Variants in KAT14 observed in about 807,000 individuals in gnomAD.
The protein encoded by KAT14 is lysine acetyltransferase 14.
KAT14 carries 66 observed loss-of-function variants against 78.4 expected under a neutral mutation model. The observed-to-expected ratio is 0.84, with a 90% confidence interval of 0.69 to 1.03. KAT14 has a LOEUF of 1.03. Among genes scored for constraint, KAT14 ranks in the 50% least tolerant of loss-of-function variants. The pLI is 0.00. For synonymous variants in KAT14, 344 were observed against 359.4 expected, an observed-to-expected ratio of 0.96 and a Z score of 0.48; for missense variants, 870 against 972.5, an observed-to-expected ratio of 0.89 and a Z score of 1.40.
At chr20:18,145,639 G>T (rs1458169009) in intron 3 of KAT14, among the ~76,000 whole-genome samples, 1 of 152,104 alleles carries the variant, frequency 6.6e-6, no homozygotes, top group Non-Finnish European at 1.5e-5. Context: ...AAATTAGCTG[G>T]CTATGGTGGT....
chr20:18,146,613 C>T (rs935287377), intron 3 of KAT14, among the ~76,000 whole-genome samples: 4 of 152,088 alleles, frequency 2.6e-5, no homozygotes, highest in Non-Finnish European at 5.9e-5. Context: ...GAGCCGAGAT[C>T]GCGCCACTGC....
At chr20:18,157,994 A>G (rs535027131) in intron 4 of KAT14, among the ~76,000 whole-genome samples, 18 of 152,202 alleles carry the variant, frequency 1.2e-4, no homozygotes, top group African/African-American at 3.9e-4. Flanking sequence ...CTGGAGTGCA[A>G]TGGTGCAGTC....
intron 7 of KAT14, among the ~76,000 whole-genome samples, chr20:18,164,783 A>AT (rs1218844081): frequency 1.6e-4 from 24 of 149,564 alleles, no homozygotes; most frequent in African/African-American, 3.4e-4. Context: ...CACTCAGCTA[A>AT]TTTTTTTTTT....
intron 1 of KAT14, 67 bp downstream of exon 1, chr20:18,138,118 C>A: frequency 7.2e-7 from 1 of 1,393,996 alleles, no homozygotes; most frequent in South Asian, 1.5e-5. Flanking sequence ...CTCTCGTGGT[C>A]TCTGCCCGCT....
intron 4 of KAT14, among the ~76,000 whole-genome samples, chr20:18,155,336 G>A (rs2038187493): frequency 6.6e-6 from 1 of 152,148 alleles, no homozygotes; most frequent in South Asian, 2.1e-4. Context: ...AAGTTTAAAT[G>A]TAAAAAGGTG....
At chr20:18,140,830 A>AC (rs1374032204) in intron 1 of KAT14, among the ~76,000 whole-genome samples, 2 of 149,482 alleles carry the variant, frequency 1.3e-5, no homozygotes, top group Non-Finnish European at 3.0e-5. Context: ...AAAAAAAAAA[A>AC]AAAAAACCAA....
Position 18,145,299 on chromosome 20 carries a change from GC to G in KAT14, c.327del (p.Ser110GlnfsTer11). 6.2e-7 allele frequency: 1 copy of G among 1,614,158 alleles called. No homozygotes were observed. The highest frequency in any genetic ancestry group is 1.7e-4 in the Middle Eastern group (1 of 6,060). On this transcript the variant is annotated frameshift_variant, in exon 3 of 11. Coordinates refer to ENST00000688188, the MANE Select transcript of KAT14 (RefSeq NM_001392073.1). LOFTEE classifies it high-confidence loss of function. ...DNFFRFTCSD[C>X]SADGKEQYER... The stretch of plus-strand genomic sequence containing the variant: ...TTTTTTAGGTTTACTTGTTCGGATT[GC>G]TCAGCAGATGGCAAGGAGCAGTATG...
chr20:18,143,054 A>C, intron 2 of KAT14, 135 bp downstream of exon 2: 1 of 1,431,924 alleles, frequency 7.0e-7, no homozygotes, highest in Non-Finnish European at 9.1e-7. Context: ...TTGATCAGCT[A>C]TAAATTTATA....
At chr20:18,148,690 A>G (rs1311634581) in intron 3 of KAT14, among the ~76,000 whole-genome samples, 1 of 151,630 alleles carries the variant, frequency 6.6e-6, no homozygotes, top group Admixed American at 6.6e-5. Flanking sequence ...GCTCACTGCA[A>G]CCTCTGCCTC....
At chr20:18,151,489 G>A (rs542781653) in intron 4 of KAT14, among the ~76,000 whole-genome samples, 1 of 150,734 alleles carries the variant, frequency 6.6e-6, no homozygotes, top group African/African-American at 2.5e-5. Context: ...GAGCCACTGC[G>A]CCTGGCCTTA....
chr20:18,157,395 T>TA (rs2146406771), intron 4 of KAT14, among the ~76,000 whole-genome samples: 1 of 152,156 alleles, frequency 6.6e-6, no homozygotes, highest in South Asian at 2.1e-4. Context: ...TTTTTATTTT[T>TA]ATTTTTTTGT....
Position 18,187,894 on chromosome 20 carries a change from T to A in KAT14, c.*435T>A, listed in dbSNP as rs1374374542. On this transcript the variant is annotated 3_prime_UTR_variant, in exon 11 of 11. Transcript: ENST00000688188. ...GATGATGAGAGATTATAAGGTGATT[T>A]CATAAAAGGAATCCAACCCTGTGCC... 1 of 161,734 alleles carries A rather than the reference T, an allele frequency of 6.2e-6. No individual in the cohort carries two copies. The highest frequency in any genetic ancestry group is 6.5e-5 in the Admixed American group (1 of 15,374). 10.0% of individuals were successfully genotyped at this position (161,734 alleles called of 1,614,324 possible).
chr20:18,149,859 A>G (rs1409125039), intron 3 of KAT14, among the ~76,000 whole-genome samples: 1 of 152,112 alleles, frequency 6.6e-6, no homozygotes, highest in African/African-American at 2.4e-5. Context: ...CTGAGGCAGG[A>G]AAATTGCTTG....
At chr20:18,165,295 A>G (rs1035758349) in intron 7 of KAT14, among the ~76,000 whole-genome samples, 1 of 152,184 alleles carries the variant, frequency 6.6e-6, no homozygotes, top group Non-Finnish European at 1.5e-5. Context: ...TTTCCTGGAG[A>G]AGATAAGCTA....
intron 3 of KAT14, among the ~76,000 whole-genome samples, chr20:18,148,131 A>G (rs1381074169): frequency 1.3e-5 from 2 of 152,238 alleles, no homozygotes; most frequent in Non-Finnish European, 2.9e-5. Flanking sequence ...TTCTTAGTAT[A>G]TTGAAATGTG....
chr20:18,151,021 T>C, intron 4 of KAT14, 79 bp downstream of exon 4: 1 of 1,527,374 alleles, frequency 6.5e-7, no homozygotes, highest in Non-Finnish European at 8.9e-7. Context: ...CAGCCTAATG[T>C]AGACTTGTTA....
At chr20:18,181,897 A>G (rs554830617) in intron 8 of KAT14, 51 bp downstream of exon 8, 278 of 1,603,614 alleles carry the variant, frequency 1.7e-4, no homozygotes, top group Non-Finnish European at 2.3e-4. Flanking sequence ...AGGGATAATG[A>G]TTGTGGTTTC....
In KAT14 at chr20:18,172,819, A is replaced by G. The variant is rs554920854; in HGVS notation, c.1669-8891A>G. 3.9e-5 allele frequency among the ~76,000 whole-genome samples: 6 copies of G among 152,188 alleles called. No individual in the cohort carries two copies. The South Asian group carries it at 1.2e-3, about 32-fold the overall frequency. ...AATTTTTTGTTGAAAGCCAAAGATG[A>G]TGTTCTGGGTAAGAGGAGCTGTGAT... On this transcript the variant is annotated intron_variant, in intron 7 of 10. Coordinates refer to ENST00000688188, the MANE Select transcript of KAT14 (RefSeq NM_001392073.1).
chr20:18,142,173 G>A (rs1222363195), intron 1 of KAT14, 35 bp from the exon 2 acceptor site: 16 of 1,529,096 alleles, frequency 1.0e-5, no homozygotes, highest in South Asian at 3.6e-5. Context: ...CCACCTGTTC[G>A]GGATGTTACT....
Sources: gnomAD v4.1 joint callset for allele counts (sites outside exome capture counted in the v4.1 genomes callset) on GRCh38, gnomAD v4.1.1 for gene constraint, MANE v1.5 for transcripts, NCBI Gene and HGNC (gene_info 2026-07-23, HGNC 2026-07-21) for gene names.